TACC1: variants seen among roughly 807,000 people sequenced by gnomAD.
TACC1 encodes the protein transforming acidic coiled-coil containing protein 1, also known as transforming acidic coiled-coil-containing protein 1.
In TACC1, 48 loss-of-function variants were observed where a neutral mutation model predicts 84.4. The observed-to-expected ratio is 0.57, with a 90% confidence interval of 0.45 to 0.72. The LOEUF is 0.72. TACC1 is among the 30% of genes least tolerant of loss of function. The probability of loss-of-function intolerance (pLI) is 0.00; values close to 1 mark genes in which losing one functional copy is unlikely to be tolerated. For missense variants in TACC1, 920 were observed against 973.0 expected (o/e 0.95, Z 0.72); for synonymous variants, 372 against 376.3 (o/e 0.99, Z 0.13).
intron 2 of TACC1, among the ~76,000 whole-genome samples, chr8:38,802,725 G>A (rs532745739): frequency 6.6e-6 from 1 of 152,322 alleles, no homozygotes; most frequent in East Asian, 1.9e-4. Flanking sequence ...ATGGCAGAAG[G>A]CAAAGGTGGA....
intron 3 of TACC1, among the ~76,000 whole-genome samples, chr8:38,756,387 G>A (rs899843812): frequency 9.9e-5 from 15 of 152,094 alleles, no homozygotes; most frequent in South Asian, 4.2e-4. Flanking sequence ...TAGAAGGGAG[G>A]TTTGGAGAAG....
Position 38,836,264 on chromosome 8 carries a change from G to T in TACC1, c.1816G>T (p.Val606Leu). 6.2e-7 allele frequency: 1 copy of T among 1,611,172 alleles called. No homozygotes were observed. Among genetic ancestry groups the T allele is most frequent in the Non-Finnish European group, 8.5e-7 (1 of 1,179,686 alleles). The change falls in exon 7 of 13, where the codon GTG becomes TTG. Residue 606 changes from valine to leucine, a missense_variant. This residue lies in a region of TACC1 where 762 missense variants were observed against 747.3 expected (regional missense o/e 1.02). Coordinates refer to ENST00000317827, the MANE Select transcript of TACC1 (RefSeq NM_006283.3). ...CCTCAGCGAATCAGACAAGACAGCC[G>T]TGCTCACCTTAATAAGAGAAGAGGT... The part of the protein sequence containing the change: ...ICLSESDKTA[V>L]LTLIREEIIT...
chr8:38,838,589 A>G (rs1261497289), intron 8 of TACC1, 43 bp downstream of exon 8: 1 of 1,478,114 alleles, frequency 6.8e-7, no homozygotes, highest in African/African-American at 1.4e-5. Context: ...ACTTTTATGC[A>G]CTGTTAGATT....
At chr8:38,840,128 G>A (rs1830950645) in intron 8 of TACC1, 96 bp from the exon 9 acceptor site, 3 of 778,380 alleles carry the variant, frequency 3.9e-6, no homozygotes, top group Non-Finnish European at 6.4e-6. Context: ...CATTGTCAGT[G>A]TATGTTAATG....
chr8:38,763,641 T>C (rs1225120468), intron 3 of TACC1, among the ~76,000 whole-genome samples: 1 of 152,222 alleles, frequency 6.6e-6, no homozygotes, highest in Non-Finnish European at 1.5e-5. Flanking sequence ...TTTTTTATAG[T>C]CTCTTTTTGT....
At position 38,847,470 on chromosome 8, in the gene TACC1, C is replaced by T. The variant is rs116039131; in HGVS notation, c.2350-485C>T. Among the ~76,000 whole-genome samples, 237 of 152,278 alleles carry T rather than the reference C, an allele frequency of 1.6e-3. 1 individual carries two copies. Among genetic ancestry groups the T allele is most frequent in the African/African-American group, 5.6e-3 (232 of 41,534 alleles). ...TTAGCTTTCCGTTTTTATATGTCTCCGGTGTATTTTCTTTACTGCATTTCC... is the reference window on the plus strand; with the variant it reads ...TTAGCTTTCCGTTTTTATATGTCTCTGGTGTATTTTCTTTACTGCATTTCC... On this transcript the variant is annotated intron_variant, in intron 12 of 12. Transcript: ENST00000317827.
At chr8:38,783,108 A>ATCTATCTATCTATC (rs1414152135), upstream of TACC1, among the ~76,000 whole-genome samples, 2 of 84,812 alleles carry the variant, frequency 2.4e-5, no homozygotes, top group African/African-American at 1.1e-4. Flanking sequence ...CTATCTATCT[A>ATCTATCTATCTATC]TATATATATA....
rs112857983 is a variant in TACC1, at chr8:38,731,262, A to G, written c.-675+2591A>G. Among the ~76,000 whole-genome samples, 543 of 152,268 alleles carry G rather than the reference A, an allele frequency of 3.6e-3. 2 individuals are homozygous for G. Among genetic ancestry groups the G allele is most frequent in the African/African-American group, 0.012 (509 of 41,568 alleles). On this transcript the variant is annotated intron_variant, in intron 1 of 14. Transcript: ENST00000518415. ...CCGAGGTGGTAAGGTTCAATGGGAA[A>G]GTGCCAGGCTCTGTAGCCAGAGTGC...
At chr8:38,788,665 C>A (rs769244749) in intron 1 of TACC1, 39 bp from the exon 2 acceptor site, 1 of 1,465,584 alleles carries the variant, frequency 6.8e-7, no homozygotes. Context: ...TCGGAAATAC[C>A]GTTGAAAGTG....
At chr8:38,840,849 A>C (rs917255485) in intron 9 of TACC1, among the ~76,000 whole-genome samples, 2 of 152,158 alleles carry the variant, frequency 1.3e-5, no homozygotes, top group African/African-American at 4.8e-5. Flanking sequence ...TGAGAGTTCG[A>C]AAACAGCCTG....
At chr8:38,829,673 T>C (rs1024137494) in intron 5 of TACC1, among the ~76,000 whole-genome samples, 23 of 152,234 alleles carry the variant, frequency 1.5e-4, no homozygotes, top group African/African-American at 4.6e-4. Flanking sequence ...TAAACATTTA[T>C]TGAATTATAT....
intron 3 of TACC1, among the ~76,000 whole-genome samples, chr8:38,746,017 A>G (rs1481317875): frequency 6.6e-6 from 1 of 152,066 alleles, no homozygotes; most frequent in Non-Finnish European, 1.5e-5. Flanking sequence ...GGGTCTTGCT[A>G]TGTTGCCTAG....
chr8:38,750,551 A>G (rs188982104), intron 3 of TACC1, among the ~76,000 whole-genome samples: 1 of 152,366 alleles, frequency 6.6e-6, no homozygotes, highest in East Asian at 1.9e-4. Context: ...GACATTGTAT[A>G]GAAAACCCTA....
upstream of TACC1, among the ~76,000 whole-genome samples, chr8:38,783,204 C>T (rs569851656): frequency 5.3e-5 from 8 of 150,738 alleles, no homozygotes; most frequent in South Asian, 1.3e-3. Context: ...TAGGTTTGAC[C>T]TGTGACCTAG....
intron 5 of TACC1, 69 bp downstream of exon 5, chr8:38,827,444 G>A: frequency 6.6e-7 from 1 of 1,510,676 alleles, no homozygotes; most frequent in East Asian, 2.3e-5. Context: ...TAATAAAGCA[G>A]GAGGAGCCTT....
intron 1 of TACC1, among the ~76,000 whole-genome samples, chr8:38,729,125 T>A (rs115565432): frequency 0.035 from 5,335 of 152,194 alleles, 344 homozygotes; most frequent in African/African-American, 0.12. Context: ...GGGAAAAGCA[T>A]TCTCACCACG....
At chr8:38,836,313 T>G in intron 7 of TACC1, 26 bp downstream of exon 7, 1 of 1,598,708 alleles carries the variant, frequency 6.3e-7, no homozygotes, top group Non-Finnish European at 8.5e-7. Context: ...TTTAGTCTGC[T>G]TATCACTCCA....
At chr8:38,730,746 A>G (rs916403267) in intron 1 of TACC1, among the ~76,000 whole-genome samples, 6 of 152,106 alleles carry the variant, frequency 3.9e-5, no homozygotes, top group Admixed American at 2.6e-4. Flanking sequence ...GCTTTTTCGT[A>G]TTTTGTCGAA....
At chr8:38,782,686 A>C (rs1457117882), upstream of TACC1, among the ~76,000 whole-genome samples, 1 of 152,232 alleles carries the variant, frequency 6.6e-6, no homozygotes, top group Non-Finnish European at 1.5e-5. Flanking sequence ...CTGTAAATAC[A>C]ATAGTGTTGT....
Sources: gnomAD v4.1 joint callset for allele counts (sites outside exome capture counted in the v4.1 genomes callset) on GRCh38, gnomAD v4.1.1 for gene constraint, gnomAD v4.1.1 regional missense constraint, MANE v1.5 for transcripts, NCBI Gene and HGNC (gene_info 2026-07-23, HGNC 2026-07-21) for gene names.